TTN: variants seen among roughly 807,000 people sequenced by gnomAD.
TTN encodes connectin.
In TTN, 1,525 loss-of-function variants were observed where a neutral mutation model predicts 3,223.0. The ratio of observed to expected loss-of-function variants is 0.47; its 90% CI spans 0.45 to 0.49. TTN has a LOEUF of 0.49. Among genes scored for constraint, TTN ranks in the 20% least tolerant of loss-of-function variants. The pLI, the probability that TTN is intolerant of heterozygous loss-of-function variation, is 0.00. For missense variants in TTN, 40,786 were observed against 43,424.0 expected (o/e 0.94, Z 5.40); for synonymous variants, 14,094 against 15,161.0 (o/e 0.93, Z 5.17).
chr2:178,607,159 T>C lies in TTN; in HGVS notation c.53443A>G (p.Ile17815Val), dbSNP rs368065637. ...DAKMHTWRQP[I>V]ETERSKCDIT... ...TCACATTTAGATCTCTCAGTCTCTA[T>C]TGGTTGTCTCCAAGTATGCATCTTG... The change falls in exon 278 of 363, where the codon ATA (isoleucine) becomes GTA (valine). Residue 17815 changes from isoleucine to valine, a missense_variant. Physicochemically the swap from Ile to Val is conservative, Grantham distance 29. Coordinates refer to ENST00000589042, the MANE Select transcript of TTN (RefSeq NM_001267550.2). The C allele has an allele frequency of 3.7e-5, 60 of 1,612,932 alleles. No homozygotes were observed. Among genetic ancestry groups the C allele is most frequent in the Middle Eastern group, 1.6e-4 (1 of 6,072 alleles).
chr2:178,587,070 T>C, intron 307 of TTN, 48 bp downstream of exon 307: 1 of 1,606,606 alleles, frequency 6.2e-7, no homozygotes, highest in Non-Finnish European at 8.5e-7. Flanking sequence ...TTGACCTTGC[T>C]AAAATAGGAG....
intron 47 of TTN, chr2:178,745,218 A>G (rs1022748795): frequency 9.4e-7 from 1 of 1,060,084 alleles, no homozygotes. Context: ...CTCCACTTTT[A>G]CATTGTACTT....
chr2:178,591,621 C>A lies in TTN; in HGVS notation c.60198G>T (p.Pro20066=). ...VGLGLPDTTI[P]IECQEKLVPP... is the part of the protein sequence containing the mutation. ...TACCTAGTTTTTCTTGACATTCTAT[C>A]GGGATAGTTGTGTCAGGGAGACCAA... Residue 20066 remains proline, a synonymous_variant, in exon 303 of 363, where the codon CCG becomes CCT. Coordinates refer to ENST00000589042, the MANE Select transcript of TTN (RefSeq NM_001267550.2). 6.2e-7 allele frequency: 1 copy of A among 1,612,506 alleles called. No homozygotes were observed. The highest frequency in any genetic ancestry group is 1.1e-5 in the South Asian group (1 of 90,584).
chr2:178,647,187 A>G, intron 214 of TTN, 43 bp from the exon 215 acceptor site: 1 of 1,238,622 alleles, frequency 8.1e-7, no homozygotes, highest in East Asian at 2.6e-5. Context: ...TATTTAGAAC[A>G]GAATACTGCA....
rs758150185 is a variant in TTN at position 178,651,315 on chromosome 2, C to T, written c.39553G>A (p.Glu13185Lys). ...KPEAPPAKVP[E>K]VPKEVVPEKK... ...TCTGGAACAACTTCTTTTGGAACTTCAGGCACTTCAAATATATTAGTATTT... is the reference window on the plus strand; with the variant it reads ...TCTGGAACAACTTCTTTTGGAACTTTAGGCACTTCAAATATATTAGTATTT... Residue 13185 changes from glutamate to lysine, a missense_variant, in exon 208 of 363, where the codon GAA (glutamate) becomes AAA (lysine). By Grantham distance (56) the Glu-to-Lys change is moderately conservative. Transcript: ENST00000589042. 1.1e-5 allele frequency: 17 copies of T among 1,612,930 alleles called. No individual in the cohort carries two copies. Among genetic ancestry groups the T allele is most frequent in the Non-Finnish European group, 1.4e-5 (16 of 1,179,312 alleles).
Position 178,793,475 on chromosome 2 carries a change from G to A in TTN, c.1465C>T (p.Gln489Ter). ...VVVAADKAKE[Q>*]ELKSRTKEVI... The stretch of plus-strand genomic sequence containing the variant: ...TCTTTGGTTCTTGATTTTAATTCTT[G>A]TTCCTTGGCTTTATCGGCGGCCACT... The change falls in exon 9 of 363, where the codon CAA (glutamine) becomes TAA (stop). Residue 489 changes from glutamine (Q) to a stop codon, truncating the protein, a stop_gained. Coordinates refer to ENST00000589042, the MANE Select transcript of TTN (RefSeq NM_001267550.2). LOFTEE classifies it high-confidence loss of function. 3.1e-6 allele frequency: 5 copies of A among 1,614,076 alleles called. No homozygotes were observed. The highest frequency in any genetic ancestry group is 4.2e-6 in the Non-Finnish European group (5 of 1,180,004).
intron 47 of TTN, chr2:178,745,391 T>C (rs2083299918): frequency 1.4e-6 from 2 of 1,424,862 alleles, no homozygotes; most frequent in Admixed American, 2.8e-5. Flanking sequence ...GATTCCACAG[T>C]TCAGATAACA....
rs1476856667 is a variant in TTN at position 178,588,690 on chromosome 2, G to A, written c.63035C>T (p.Pro21012Leu). 5 of 1,613,120 alleles carry A rather than the reference G, an allele frequency of 3.1e-6. No individual in the cohort carries two copies. Among genetic ancestry groups the A allele is most frequent in the African/African-American group, 1.3e-5 (1 of 74,874 alleles). The change falls in exon 304 of 363, where the codon CCT becomes CTT. Residue 21012 changes from proline (P) to leucine (L), a missense_variant. Transcript: ENST00000589042. ...CTCAGGGATTGCACTCTTGTTGACA[G>A]GGACCCATCGTGTTGAATGCTTTTC... ...KKEKHSTRWV[P>L]VNKSAIPERR... is the part of the protein sequence containing the mutation.
chr2:178,605,756 A>G lies in TTN; in HGVS notation c.53582-43T>C, dbSNP rs369009165. 3.6e-6 allele frequency: 5 copies of G among 1,385,004 alleles called. No individual in the cohort carries two copies. In the African/African-American group the frequency reaches 7.3e-5, roughly 20 times the overall value. The allele number at this position is 1,385,004 out of a possible 1,614,324, so 85.8% of individuals were successfully genotyped here. A position where few individuals can be genotyped will look rare whatever the true frequency, so the allele number is the denominator to read the frequency against. ...TGAAAATGATTAGCATGAGATAAAT[A>G]TTCATGTAAGAAATAATATTTCACT... On this transcript the variant is annotated intron_variant, in intron 278 of 362. Transcript: ENST00000589042.
Position 178,731,829 on chromosome 2 carries a change from C to T in TTN, c.17046G>A (p.Lys5682=). ...KDNTILRSGR[K]YKTFIQDHLV... ...GATGATCCTGAATGAAAGTCTTATACTTTCTACCACTTCGCAGGATTGTGT... is the reference window on the plus strand; with the variant it reads ...GATGATCCTGAATGAAAGTCTTATATTTTCTACCACTTCGCAGGATTGTGT... The change falls in exon 58 of 363, where the codon AAG becomes AAA. Residue 5682 remains lysine (K), a synonymous_variant. Coordinates refer to ENST00000589042, the MANE Select transcript of TTN (RefSeq NM_001267550.2). The T allele has an allele frequency of 6.2e-7, 1 of 1,613,828 alleles. No individual in the cohort carries two copies. The highest frequency in any genetic ancestry group is 8.5e-7 in the Non-Finnish European group (1 of 1,179,774).
Position 178,594,223 on chromosome 2 carries a change from G to A in TTN, c.58170C>T (p.Leu19390=), listed in dbSNP as rs754108889. The change falls in exon 297 of 363, where the codon CTC becomes CTT. Residue 19390 remains leucine (L), a synonymous_variant. Transcript: ENST00000589042. Reference sequence around the variant, plus strand: ...GAATCGTGAGCTTATCTCTGAAGTCGAGGTGAAGCGTTGGGGGTGCTAAAA... The same window carrying A: ...GAATCGTGAGCTTATCTCTGAAGTCAAGGTGAAGCGTTGGGGGTGCTAAAA... The part of the protein sequence containing the change: ...KDELAPPTLH[L]DFRDKLTIRV... The A allele has an allele frequency of 1.7e-5, 28 of 1,613,012 alleles. No homozygotes were observed. The highest frequency in any genetic ancestry group is 1.6e-4 in the Middle Eastern group (1 of 6,072).
intron 119 of TTN, among the ~76,000 whole-genome samples, 155 bp downstream of exon 119, chr2:178,693,454 T>G (rs1019221639): frequency 1.3e-5 from 2 of 152,144 alleles, no homozygotes; most frequent in African/African-American, 2.4e-5. Context: ...TTCCTCATGG[T>G]TCTTCCCGTC....
At chr2:178,769,597 G>A in intron 37 of TTN, 82 bp downstream of exon 37, 1 of 1,244,352 alleles carries the variant, frequency 8.0e-7, no homozygotes, top group Non-Finnish European at 1.1e-6. Context: ...GCAAAGTGTA[G>A]GATATAGAAT....
chr2:178,612,433 A>G lies in TTN; in HGVS notation c.50092T>C (p.Trp16698Arg). The G allele has an allele frequency of 6.2e-7, 1 of 1,612,548 alleles. No individual in the cohort carries two copies. Residue 16698 changes from tryptophan (W) to arginine (R), a missense_variant, in exon 266 of 363, where the codon TGG becomes CGG. Physicochemically the swap from Trp to Arg is moderately radical, Grantham distance 101. Transcript: ENST00000589042. ...VEKRDVRRKG[W>R]QTVDTTVKDT... ...TTGACAGTGGTATCCACTGTTTGCC[A>G]GCCTTTTCGCCTGACGTCTCTCTTT... is the stretch of plus-strand genomic sequence containing the variant.
At chr2:178,646,390 G>T in intron 216 of TTN, 95 bp downstream of exon 216, 2 of 782,470 alleles carry the variant, frequency 2.6e-6, no homozygotes, top group South Asian at 2.1e-5. Flanking sequence ...ATACAAATGG[G>T]AACAGACATA....
rs1237357912 is a variant in TTN, at chr2:178,551,818, A to G, written c.91082T>C (p.Val30361Ala). 2 of 1,613,852 alleles carry G rather than the reference A, an allele frequency of 1.2e-6. No homozygotes were observed. Residue 30361 changes from valine (V) to alanine (A), a missense_variant, in exon 335 of 363, where the codon GTT (valine) becomes GCT (alanine). Val to Ala is a moderately conservative substitution (Grantham distance 64). Transcript: ENST00000589042. The part of the protein sequence containing the change: ...DGGSEVTGFH[V>A]EKKERNSILW... ...GATGCTATTTCTTTCTTTCTTTTCA[A>G]CATGGAATCCAGTAACTTCTGAACC...
At position 178,608,286 on chromosome 2, in the gene TTN, C is replaced by A. The variant is rs2055410849; in HGVS notation, c.52597G>T (p.Gly17533Cys). The A allele has an allele frequency of 6.2e-7, 1 of 1,612,000 alleles. No homozygotes were observed. Among genetic ancestry groups the A allele is most frequent in the African/African-American group, 1.3e-5 (1 of 74,808 alleles). Reference protein sequence around the residue: ...LLNALKANVDGLLEGLTYVFR... With the variant: ...LLNALKANVDCLLEGLTYVFR... ...ACATAGGTGAGTCCTTCTAATAAGC[C>A]ATCTACATTGGCTTTCAAGGCATTC... Residue 17533 changes from glycine (G) to cysteine (C), a missense_variant, in exon 275 of 363, where the codon GGC becomes TGC. Transcript: ENST00000589042.
chr2:178,653,183 G>C, intron 198 of TTN, 55 bp downstream of exon 198: 1 of 1,606,984 alleles, frequency 6.2e-7, no homozygotes, highest in Non-Finnish European at 8.5e-7. Context: ...GGAACAAAAT[G>C]TCTTCAACTG....
At position 178,534,179 on chromosome 2, in the gene TTN, C is replaced by A; in HGVS notation, c.102436G>T (p.Val34146Phe). 1.2e-6 allele frequency: 2 copies of A among 1,613,982 alleles called. No individual in the cohort carries two copies. Among genetic ancestry groups the A allele is most frequent in the Non-Finnish European group, 8.5e-7 (1 of 1,179,868 alleles). ...TTGACATGTCCTCCTTCTTCACCAA[C>A]TGCATGCATTATCTGCCCAGAAACT... ...GPVSGQIMHAVGEEGGHVKYV... is the reference protein window; with the variant it reads ...GPVSGQIMHAFGEEGGHVKYV... Residue 34146 changes from valine to phenylalanine, a missense_variant, in exon 358 of 363, where the codon GTT becomes TTT. Val to Phe is a conservative substitution (Grantham distance 50). Transcript: ENST00000589042.
Sources: allele counts gnomAD v4.1 joint callset (sites outside exome capture counted in the v4.1 genomes callset), GRCh38; gene constraint gnomAD v4.1.1; transcripts MANE v1.5; gene names NCBI Gene and HGNC (gene_info 2026-07-23, HGNC 2026-07-21).